HDAC4: variants seen among roughly 807,000 people sequenced by gnomAD.
HDAC4 encodes histone deacetylase A.
HDAC4 carries 16 observed loss-of-function variants against 135.1 expected under a neutral mutation model. That is an observed-to-expected ratio of 0.12 (90% confidence interval 0.08 to 0.18). HDAC4 has a LOEUF of 0.18. Among genes scored for constraint, HDAC4 ranks in the 10% least tolerant of loss-of-function variants. The pLI, the probability that HDAC4 is intolerant of heterozygous loss-of-function variation, is 1.00. For missense variants in HDAC4, 1,143 were observed against 1,511.8 expected, an observed-to-expected ratio of 0.76 and a Z score of 4.05; for synonymous variants, 685 against 653.4, an observed-to-expected ratio of 1.05 and a Z score of -0.74.
At chr2:239,382,832 C>G (rs930968015) in intron 1 of HDAC4, among the ~76,000 whole-genome samples, 1 of 152,068 alleles carries the variant, frequency 6.6e-6, no homozygotes, top group African/African-American at 2.4e-5. Context: ...TCAAGCAATT[C>G]TCTTGCCTCA....
At chr2:239,395,318 G>A (rs940190292) in intron 1 of HDAC4, among the ~76,000 whole-genome samples, 8 of 152,272 alleles carry the variant, frequency 5.3e-5, no homozygotes, top group Non-Finnish European at 1.2e-4. Context: ...GGGAATGAGA[G>A]GTACAAACCT....
At chr2:239,294,323 G>C (rs532592221) in intron 2 of HDAC4, among the ~76,000 whole-genome samples, 95 of 152,324 alleles carry the variant, frequency 6.2e-4, no homozygotes, top group African/African-American at 2.2e-3. Context: ...GGGAGCTCCT[G>C]ATGGGCCTTG....
chr2:239,135,124 T>C (rs1356662355), intron 9 of HDAC4, among the ~76,000 whole-genome samples: 1 of 152,228 alleles, frequency 6.6e-6, no homozygotes, highest in Admixed American at 6.5e-5. Flanking sequence ...GATTGTTTGT[T>C]ACACAAAGGA....
Position 239,307,176 on chromosome 2 carries a change from A to G in HDAC4, c.22+45502T>C, listed in dbSNP as rs1192611320. Among the ~76,000 whole-genome samples, 1 of 152,038 alleles carries G rather than the reference A, an allele frequency of 6.6e-6. No individual in the cohort carries two copies. The highest frequency in any genetic ancestry group is 2.4e-5 in the African/African-American group (1 of 41,394). ...GAGGGGTCTGGAAACCCTGACAGGG[A>G]GGGAGAAGAGAGCCCTGGGCACAAA... is the stretch of plus-strand genomic sequence containing the variant. On this transcript the variant is annotated intron_variant, in intron 2 of 26. Transcript: ENST00000543185. This position sits in a 1 kb window ranked among gnomAD's most constrained non-coding sequence, Gnocchi z 4.8.
chr2:239,375,460 G>A lies in HDAC4; in HGVS notation c.-219-22542C>T, dbSNP rs774434972. Among the ~76,000 whole-genome samples the A allele has an allele frequency of 8.5e-5, 13 of 152,298 alleles. No homozygotes were observed. The East Asian group carries it at 1.5e-3, about 18-fold the overall frequency. On this transcript the variant is annotated intron_variant, in intron 1 of 26. Coordinates refer to ENST00000543185, the MANE Select transcript of HDAC4 (RefSeq NM_001378414.1). Reference sequence around the variant, plus strand: ...ACCCCACCGTGAGGATGTGTGAAGCGAAGCCCCTGCCTCAGGCCTGAGCGT... The same window carrying A: ...ACCCCACCGTGAGGATGTGTGAAGCAAAGCCCCTGCCTCAGGCCTGAGCGT...
At chr2:239,242,973 T>C (rs1337673501) in intron 2 of HDAC4, among the ~76,000 whole-genome samples, 1 of 152,136 alleles carries the variant, frequency 6.6e-6, no homozygotes, top group Non-Finnish European at 1.5e-5. Flanking sequence ...CAAACCAGCG[T>C]GGTCAGGCCC....
chr2:239,144,720 C>G lies in HDAC4; in HGVS notation c.734-6G>C. On this transcript the variant is annotated splice_polypyrimidine_tract_variant and splice_region_variant and intron_variant, in intron 7 of 26. Transcript: ENST00000543185. ...TTTCAGATTCGGTTCAGAAGCTGCA[C>G]AAAAAGGAGATGTCATTACAGCCAG... is the stretch of plus-strand genomic sequence containing the variant. The G allele has an allele frequency of 6.2e-7, 1 of 1,614,090 alleles. No homozygotes were observed. The highest frequency in any genetic ancestry group is 8.5e-7 in the Non-Finnish European group (1 of 1,179,962).
At chr2:239,290,719 C>T (rs776795758) in intron 2 of HDAC4, among the ~76,000 whole-genome samples, 44 of 151,974 alleles carry the variant, frequency 2.9e-4, no homozygotes, top group South Asian at 1.0e-3. Flanking sequence ...CACTCACATA[C>T]GCACTCACGT....
intron 2 of HDAC4, among the ~76,000 whole-genome samples, chr2:239,336,299 G>A (rs1179808588): frequency 6.6e-6 from 1 of 152,188 alleles, no homozygotes; most frequent in African/African-American, 2.4e-5. Flanking sequence ...AGCAGTTACA[G>A]GCATCTTCCT....
At chr2:239,372,808 C>T (rs894236002) in intron 1 of HDAC4, among the ~76,000 whole-genome samples, 8 of 152,224 alleles carry the variant, frequency 5.3e-5, no homozygotes, top group African/African-American at 1.7e-4. Flanking sequence ...CATACACACA[C>T]ACGCACACAC....
At chr2:239,335,185 T>A (rs757063349) in intron 2 of HDAC4, among the ~76,000 whole-genome samples, 1 of 152,176 alleles carries the variant, frequency 6.6e-6, no homozygotes, top group African/African-American at 2.4e-5. Context: ...TACACAGATA[T>A]GCAAACAGAC....
intron 4 of HDAC4, among the ~76,000 whole-genome samples, chr2:239,178,039 G>A (rs747580092): frequency 1.3e-5 from 2 of 152,182 alleles, no homozygotes; most frequent in Non-Finnish European, 2.9e-5. Context: ...CTCTGAGATG[G>A]CTCCGCTCTC....
At chr2:239,159,047 AC>A (rs754552446) in intron 6 of HDAC4, among the ~76,000 whole-genome samples, 2 of 148,788 alleles carry the variant, frequency 1.3e-5, no homozygotes, top group Non-Finnish European at 3.0e-5. Flanking sequence ...CACACACCTC[AC>A]CCATACCTAT....
At chr2:239,384,750 G>A (rs538530368) in intron 1 of HDAC4, among the ~76,000 whole-genome samples, 4 of 152,290 alleles carry the variant, frequency 2.6e-5, no homozygotes, top group African/African-American at 4.8e-5. Context: ...TATACCCCAC[G>A]GCTCTGTCCC....
At chr2:239,362,461 A>C (rs761644376) in intron 1 of HDAC4, among the ~76,000 whole-genome samples, 3 of 152,210 alleles carry the variant, frequency 2.0e-5, no homozygotes, top group Non-Finnish European at 2.9e-5. Context: ...ATCAGAGAAC[A>C]TTCTTCTAAA....
At chr2:239,181,226 C>T (rs906574845) in intron 4 of HDAC4, among the ~76,000 whole-genome samples, 10 of 152,310 alleles carry the variant, frequency 6.6e-5, no homozygotes, top group Admixed American at 3.3e-4. Context: ...GCCAGGAGCA[C>T]GGGGATAGAA....
In HDAC4 at chr2:239,344,917, A is replaced by G. The variant is rs1010863349; in HGVS notation, c.22+7761T>C. Reference sequence around the variant, plus strand: ...TCGGGGTTCAATCTCACTCCCTCCTATCCAGAACCCCCAGGGCTGCCCACC... The same window carrying G: ...TCGGGGTTCAATCTCACTCCCTCCTGTCCAGAACCCCCAGGGCTGCCCACC... On this transcript the variant is annotated intron_variant, in intron 2 of 26. Coordinates refer to ENST00000543185, the MANE Select transcript of HDAC4 (RefSeq NM_001378414.1). 2.6e-4 allele frequency among the ~76,000 whole-genome samples: 40 copies of G among 151,782 alleles called. 1 individual carries two copies. Among genetic ancestry groups the G allele is most frequent in the Admixed American group, 3.3e-4 (5 of 15,250 alleles).
chr2:239,090,686 G>A (rs1014572032), intron 17 of HDAC4, among the ~76,000 whole-genome samples: 4 of 151,364 alleles, frequency 2.6e-5, no homozygotes, highest in African/African-American at 9.7e-5. Context: ...GAGCGCTTAC[G>A]TGACGCTCAA....
At chr2:239,397,405 G>A (rs116865636) in intron 1 of HDAC4, among the ~76,000 whole-genome samples, 1 of 152,200 alleles carries the variant, frequency 6.6e-6, no homozygotes, top group Non-Finnish European at 1.5e-5. Context: ...CGTGACAGCT[G>A]CTCGTGGCAT....
Sources: gnomAD v4.1 joint callset for allele counts (sites outside exome capture counted in the v4.1 genomes callset) on GRCh38, gnomAD v4.1.1 for gene constraint, Gnocchi (gnomAD v3.1) non-coding constraint, MANE v1.5 for transcripts, NCBI Gene and HGNC (gene_info 2026-07-23, HGNC 2026-07-21) for gene names.